EMCN: variants seen among roughly 807,000 people sequenced by gnomAD.
EMCN encodes MUC-14.
A neutral mutation model predicts 38.4 loss-of-function variants in EMCN; 37 were observed. That is an observed-to-expected ratio of 0.96 (90% confidence interval 0.74 to 1.27). The LOEUF (loss-of-function observed/expected upper bound fraction) is 1.27, where lower values mean the gene tolerates loss of function less well. Among genes scored for constraint, EMCN ranks in the 50% most tolerant of loss-of-function variants. The pLI, the probability that EMCN is intolerant of heterozygous loss-of-function variation, is 0.00. For missense variants in EMCN, 318 were observed against 302.8 expected (o/e 1.05, Z -0.37); for synonymous variants, 95 against 100.8 (o/e 0.94, Z 0.35).
chr4:100,416,098 G>C, intron 9 of EMCN, 139 bp from the exon 10 acceptor site: 1 of 467,106 alleles, frequency 2.1e-6, no homozygotes, highest in South Asian at 4.2e-5. Flanking sequence ...ATACGTGTGT[G>C]TGTGTGTATA....
At chr4:100,486,804 G>T in intron 1 of EMCN, 1 of 950,518 alleles carries the variant, frequency 1.1e-6, no homozygotes, top group Non-Finnish European at 1.3e-6. Context: ...CCAAGAACCT[G>T]AGATGTCCTG....
intron 6 of EMCN, 86 bp from the exon 7 acceptor site, chr4:100,423,166 C>A (rs562568224): frequency 6.2e-5 from 89 of 1,426,296 alleles, no homozygotes; most frequent in Non-Finnish European, 8.5e-5. Flanking sequence ...AAGGAAACAG[C>A]CATGATTTGT....
chr4:100,498,935 T>C (rs1578233903), intron 1 of EMCN, among the ~76,000 whole-genome samples: 1 of 152,334 alleles, frequency 6.6e-6, no homozygotes, highest in Non-Finnish European at 1.5e-5. Context: ...TACTATTTAG[T>C]ATGCTTTGCA....
chr4:100,399,196 G>A (rs181771591), intron 11 of EMCN, among the ~76,000 whole-genome samples: 22 of 152,248 alleles, frequency 1.4e-4, no homozygotes, highest in African/African-American at 3.6e-4. Flanking sequence ...AACAACTTTC[G>A]ATATTGGTCT....
intron 1 of EMCN, among the ~76,000 whole-genome samples, chr4:100,496,210 CTG>C (rs1165526142): frequency 6.6e-6 from 1 of 152,072 alleles, no homozygotes; most frequent in Non-Finnish European, 1.5e-5. Flanking sequence ...TAGTGAGACT[CTG>C]TAACATTTGA....
intron 5 of EMCN, among the ~76,000 whole-genome samples, chr4:100,445,247 A>G (rs1727636140): frequency 6.6e-6 from 1 of 152,162 alleles, no homozygotes; most frequent in Non-Finnish European, 1.5e-5. Context: ...TGCTGATGTC[A>G]CCAACATGGA....
intron 5 of EMCN, among the ~76,000 whole-genome samples, chr4:100,438,513 A>C (rs1232742342): frequency 6.6e-6 from 1 of 151,982 alleles, no homozygotes; most frequent in Non-Finnish European, 1.5e-5. Context: ...ATCATTACAC[A>C]TAAGATTATT....
rs762745807 is a variant in EMCN, at chr4:100,517,905, G to A, written c.10C>T (p.Leu4Phe). ...AGAAGAAAAAGAATGGTCACTTGAA[G>A]CAGTTCCATGGTGCCCGTAGATGGT... MEL[L>F]QVTILFLLPS... is the part of the protein sequence containing the mutation. The change falls in exon 1 of 12, where the codon CTT (leucine) becomes TTT (phenylalanine). Residue 4 changes from leucine (L) to phenylalanine (F), a missense_variant. By Grantham distance (22) the Leu-to-Phe change is conservative (BLOSUM62 0). Coordinates refer to ENST00000296420, the MANE Select transcript of EMCN (RefSeq NM_016242.4). The A allele has an allele frequency of 2.6e-5, 42 of 1,612,596 alleles. No homozygotes were observed. The highest frequency in any genetic ancestry group is 3.4e-5 in the Non-Finnish European group (40 of 1,179,002).
intron 1 of EMCN, 28 bp downstream of exon 1, chr4:100,517,823 C>G: frequency 1.2e-6 from 2 of 1,608,532 alleles, no homozygotes; most frequent in South Asian, 2.2e-5. Flanking sequence ...CCAATCCGTA[C>G]CACCAGAGGA....
intron 4 of EMCN, among the ~76,000 whole-genome samples, chr4:100,456,668 G>A (rs536413429): frequency 1.3e-5 from 2 of 151,954 alleles, no homozygotes; most frequent in South Asian, 4.2e-4. Flanking sequence ...CTTTGATCAA[G>A]AGACACACTC....
intron 11 of EMCN, among the ~76,000 whole-genome samples, chr4:100,402,955 G>A (rs1726296459): frequency 6.6e-6 from 1 of 152,096 alleles, no homozygotes; most frequent in African/African-American, 2.4e-5. Flanking sequence ...ATAGCAAGTA[G>A]AAAGGAAGGT....
intron 3 of EMCN, among the ~76,000 whole-genome samples, chr4:100,470,378 T>TAAAAAAAAAA (rs34533710): frequency 6.9e-6 from 1 of 145,648 alleles, no homozygotes. Flanking sequence ...ACTAAAATGT[T>TAAAAAAAAAA]AAAAAAAAAA....
chr4:100,480,015 G>A lies in EMCN; in HGVS notation c.89C>T (p.Ser30Leu). The change falls in exon 2 of 12, where the codon TCA becomes TTA. Residue 30 changes from serine to leucine, a missense_variant. Ser to Leu is a moderately radical substitution (Grantham distance 145). Coordinates refer to ENST00000296420, the MANE Select transcript of EMCN (RefSeq NM_016242.4). ...STGVLEAANN[S>L]LVVTTTKPSI... ...TGGTTTTGTTGTAGTAACAACAAGT[G>A]AATTATTAGCTGCCTCTAAAACACC... The A allele has an allele frequency of 6.3e-7, 1 of 1,596,912 alleles. No individual in the cohort carries two copies. Among genetic ancestry groups the A allele is most frequent in the Non-Finnish European group, 8.5e-7 (1 of 1,173,512 alleles).
chr4:100,506,881 C>A (rs1244780752), intron 1 of EMCN, among the ~76,000 whole-genome samples: 1 of 152,148 alleles, frequency 6.6e-6, no homozygotes, highest in African/African-American at 2.4e-5. Context: ...AGAAGTGTGA[C>A]TACCCTTCTA....
chr4:100,437,213 A>G (rs556297660), intron 5 of EMCN, among the ~76,000 whole-genome samples: 2 of 152,096 alleles, frequency 1.3e-5, no homozygotes, highest in East Asian at 1.9e-4. Context: ...CATGTTGGCA[A>G]TTTTCATGTC....
chr4:100,449,915 T>C (rs967897041), intron 4 of EMCN, among the ~76,000 whole-genome samples: 1 of 151,950 alleles, frequency 6.6e-6, no homozygotes, highest in African/African-American at 2.4e-5. Flanking sequence ...ATTCCTTTTT[T>C]CCCTGAAATC....
chr4:100,511,032 A>G (rs994677), intron 1 of EMCN, among the ~76,000 whole-genome samples: 60,718 of 152,016 alleles, frequency 0.4, 12,822 homozygotes, highest in East Asian at 0.71. Context: ...TTATGGCATT[A>G]TAGTCTTAGT....
Position 100,446,592 on chromosome 4 carries a change from TA to T in EMCN, c.415+940del, listed in dbSNP as rs1727680137. Among the ~76,000 whole-genome samples, 3 of 152,328 alleles carry T rather than the reference TA, an allele frequency of 2.0e-5. No individual in the cohort carries two copies. The South Asian group carries it at 6.2e-4, about 32-fold the overall frequency. On this transcript the variant is annotated intron_variant, in intron 5 of 11. Coordinates refer to ENST00000296420, the MANE Select transcript of EMCN (RefSeq NM_016242.4). Reference sequence around the variant, plus strand: ...TTTTTAGTTTATTTATTTTCATTTTTAAACTTTAATTTTAGTCTCAGGGATA... The same window carrying T: ...TTTTTAGTTTATTTATTTTCATTTTTAACTTTAATTTTAGTCTCAGGGATA...
In EMCN at chr4:100,395,455, A is replaced by G. The variant is rs1310428287; in HGVS notation, c.*2958T>C. The G allele has an allele frequency of 2.0e-5, 3 of 152,188 alleles. No individual in the cohort carries two copies. The highest frequency in any genetic ancestry group is 4.4e-5 in the Non-Finnish European group (3 of 68,036). 9.4% of individuals were successfully genotyped at this position (152,188 alleles called of 1,614,324 possible). Reference sequence around the variant, plus strand: ...ATAATCCATCCATTAAGAATTCTCCATTAAGAATACTCATTATAGGTTTAA... The same window carrying G: ...ATAATCCATCCATTAAGAATTCTCCGTTAAGAATACTCATTATAGGTTTAA... On this transcript the variant is annotated 3_prime_UTR_variant, in exon 12 of 12. Transcript: ENST00000296420.
Sources: allele counts gnomAD v4.1 joint callset (sites outside exome capture counted in the v4.1 genomes callset), GRCh38; gene constraint gnomAD v4.1.1; transcripts MANE v1.5; gene names NCBI Gene and HGNC (gene_info 2026-07-23, HGNC 2026-07-21).